Variants in NFRKB observed in about 807,000 individuals in gnomAD.
NFRKB encodes nuclear factor related to kappa-B-binding protein.
A neutral mutation model predicts 135.7 loss-of-function variants in NFRKB; 62 were observed. The observed-to-expected ratio is 0.46, with a 90% CI of 0.37 to 0.56. The LOEUF (loss-of-function observed/expected upper bound fraction) is 0.56, where lower values mean the gene tolerates loss of function less well. Among genes scored for constraint, NFRKB ranks in the 20% least tolerant of loss-of-function variants. The pLI is 0.00. For missense variants in NFRKB, 1,545 were observed against 1,662.0 expected (o/e 0.93, Z 1.22); for synonymous variants, 678 against 635.6 (o/e 1.07, Z -1.00).
At chr11:129,880,311 A>T (rs1948968366) in intron 13 of NFRKB, among the ~76,000 whole-genome samples, 1 of 152,186 alleles carries the variant, frequency 6.6e-6, no homozygotes, top group African/African-American at 2.4e-5. Context: ...CTGCAAATCT[A>T]ACAGGAGCCA....
chr11:129,872,713 T>C (rs1948572591), intron 23 of NFRKB, 171 bp downstream of exon 23: 2 of 606,256 alleles, frequency 3.3e-6, no homozygotes, highest in East Asian at 2.8e-5. Flanking sequence ...CTATCAAAGC[T>C]GCACTGCCTT....
chr11:129,886,698 T>C (rs897334797), intron 4 of NFRKB, among the ~76,000 whole-genome samples: 1 of 152,180 alleles, frequency 6.6e-6, no homozygotes, highest in South Asian at 2.1e-4. Flanking sequence ...AACTGACACA[T>C]GGCATGGGTC....
chr11:129,884,704 G>T, intron 7 of NFRKB, 41 bp downstream of exon 7: 1 of 1,608,614 alleles, frequency 6.2e-7, no homozygotes, highest in Non-Finnish European at 8.5e-7. Context: ...GGTCTCCACC[G>T]CAATGTCCCA....
Position 129,885,563 on chromosome 11 carries a change from C to A in NFRKB, c.512G>T (p.Arg171Leu). 6.2e-7 allele frequency: 1 copy of A among 1,613,768 alleles called. No individual in the cohort carries two copies. ...ARRSGPALPF[R>L]QKRPSPSRTP... is the part of the protein sequence containing the mutation. ...GCGGGATGGTGAAGGGCGTTTCTGC[C>A]GGAAGGGAAGGGCGGGGCCACTCCG... is the stretch of plus-strand genomic sequence containing the variant. Residue 171 changes from arginine to leucine, a missense_variant, in exon 6 of 27, where the codon CGG becomes CTG. Around this residue, in one of 3 missense-constraint regions of NFRKB, gnomAD observed 678 missense variants for 646.7 expected, o/e 1.05. Transcript: ENST00000682444.
chr11:129,867,175 C>T (rs1312001954), intron 24 of NFRKB, among the ~76,000 whole-genome samples: 1 of 152,174 alleles, frequency 6.6e-6, no homozygotes, highest in African/African-American at 2.4e-5. Flanking sequence ...TCTCCAGTTG[C>T]ACCTACCCAG....
At chr11:129,887,404 G>A (rs1949328797) in intron 4 of NFRKB, among the ~76,000 whole-genome samples, 2 of 152,188 alleles carry the variant, frequency 1.3e-5, no homozygotes, top group African/African-American at 4.8e-5. Context: ...AACCAAGTGA[G>A]CAAATGTGGC....
chr11:129,875,436 T>C lies in NFRKB; in HGVS notation c.1775A>G (p.Asn592Ser). 1 of 1,609,748 alleles carries C rather than the reference T, an allele frequency of 6.2e-7. No individual in the cohort carries two copies. The highest frequency in any genetic ancestry group is 8.5e-7 in the Non-Finnish European group (1 of 1,178,686). The change falls in exon 18 of 27, where the codon AAT becomes AGT. Residue 592 changes from asparagine to serine, a missense_variant. By Grantham distance (46) the Asn-to-Ser change is conservative. Coordinates refer to ENST00000682444, the MANE Select transcript of NFRKB (RefSeq NM_001143835.2). ...LVRDAAARLP[N>S]GEGTRAEICE... The stretch of plus-strand genomic sequence containing the variant: ...GATCTCTGCCCGTGTGCCTTCTCCA[T>C]TAGGCAGTCGAGCCGCAGCGTCCCG...
At chr11:129,888,459 C>T (rs762725602) in intron 4 of NFRKB, 135 bp downstream of exon 4, 2 of 919,126 alleles carry the variant, frequency 2.2e-6, no homozygotes, top group Non-Finnish European at 1.8e-6. Context: ...CAAAGTGTTA[C>T]ACAAAACCGC....
intron 9 of NFRKB, among the ~76,000 whole-genome samples, chr11:129,882,915 A>G (rs955502050): frequency 6.6e-6 from 1 of 152,050 alleles, no homozygotes; most frequent in Non-Finnish European, 1.5e-5. Flanking sequence ...TCCCAAGTAT[A>G]CAGCTTAATT....
intron 3 of NFRKB, among the ~76,000 whole-genome samples, chr11:129,889,227 G>C (rs1314836105): frequency 3.9e-5 from 6 of 152,246 alleles, no homozygotes; most frequent in African/African-American, 1.4e-4. Flanking sequence ...CTCCCAAAGT[G>C]CTGGGATTAC....
chr11:129,873,040 C>T lies in NFRKB; in HGVS notation c.2607G>A (p.Arg869=), dbSNP rs1374294927. The T allele has an allele frequency of 1.2e-6, 2 of 1,613,888 alleles. No homozygotes were observed. The highest frequency in any genetic ancestry group is 2.2e-5 in the East Asian group (1 of 44,900). ...KAQTTAATVQ[R]PGPGQTGLTV... ...TGAGCCCTGTCTGCCCGGGTCCAGG[C>T]CGCTGCACAGTGGCTGCCGTAGTCT... The change falls in exon 23 of 27, where the codon CGG becomes CGA. Residue 869 remains arginine, a synonymous_variant. Transcript: ENST00000682444.
Position 129,864,531 on chromosome 11 carries a change from G to A in NFRKB, c.*194C>T, listed in dbSNP as rs1473968455. On this transcript the variant is annotated 3_prime_UTR_variant, in exon 27 of 27. Coordinates refer to ENST00000682444, the MANE Select transcript of NFRKB (RefSeq NM_001143835.2). ...AGAGCAGACCTTGGAACCCTGGAGT[G>A]AACCTTTCTCAGGGTGCTCCACTAT... 5 of 642,848 alleles carry A rather than the reference G, an allele frequency of 7.8e-6. No homozygotes were observed. Among genetic ancestry groups the A allele is most frequent in the South Asian group, 2.0e-5 (1 of 49,980 alleles). The allele number at this position is 642,848 out of a possible 1,614,324, so 39.8% of individuals were successfully genotyped here.
rs777355344 is a variant in NFRKB, at chr11:129,895,262, C to T, written c.-102+234G>A. ...AGCAAATTCCCCTCCGGTGCCAGCC[C>T]GGCTGGCCCAAGGCCCGGGTCCAAT... On this transcript the variant is annotated intron_variant, in intron 1 of 26. Transcript: ENST00000682444. Among the ~76,000 whole-genome samples the T allele has an allele frequency of 3.3e-5, 5 of 152,190 alleles. 1 individual carries two copies. Among genetic ancestry groups the T allele is most frequent in the Admixed American group, 2.0e-4 (3 of 15,280 alleles).
intron 23 of NFRKB, 58 bp from the exon 24 acceptor site, chr11:129,870,319 T>C (rs1948441929): frequency 1.3e-6 from 2 of 1,539,966 alleles, no homozygotes; most frequent in Admixed American, 2.0e-5. Flanking sequence ...GGTTACAAAA[T>C]ACAACTAGAC....
Position 129,878,524 on chromosome 11 carries a change from T to C in NFRKB, c.1404A>G (p.Glu468=), listed in dbSNP as rs1948880351. The C allele has an allele frequency of 6.2e-7, 1 of 1,613,998 alleles. No individual in the cohort carries two copies. The highest frequency in any genetic ancestry group is 1.7e-5 in the Admixed American group (1 of 60,010). ...WKLLGQSQDN[E]KELAALFQLW... is the part of the protein sequence containing the mutation. ...GCTGGAAGAGGGCAGCTAATTCCTT[T>C]TCATTATCTTGGGATTGGCCTATTA... Residue 468 remains glutamate, a synonymous_variant, in exon 14 of 27, where the codon GAA becomes GAG. Coordinates refer to ENST00000682444, the MANE Select transcript of NFRKB (RefSeq NM_001143835.2).
chr11:129,880,686 CTAAG>C (rs1158033765), intron 13 of NFRKB, among the ~76,000 whole-genome samples: 2 of 152,148 alleles, frequency 1.3e-5, no homozygotes, highest in African/African-American at 4.8e-5. Context: ...GTCATTAAAT[CTAAG>C]TAAGTATTTC....
intron 17 of NFRKB, 55 bp downstream of exon 17, chr11:129,876,666 A>C: frequency 7.0e-7 from 1 of 1,436,548 alleles, no homozygotes; most frequent in South Asian, 1.4e-5. Context: ...AGTTGGTAAG[A>C]GAAAAGCTGC....
intron 23 of NFRKB, among the ~76,000 whole-genome samples, chr11:129,871,757 G>C (rs1948518877): frequency 6.6e-6 from 1 of 152,128 alleles, no homozygotes; most frequent in Non-Finnish European, 1.5e-5. Context: ...TTCCGTTCTT[G>C]TCCCCCATTG....
Position 129,865,071 on chromosome 11 carries a change from G to T in NFRKB, c.3669C>A (p.Leu1223=), listed in dbSNP as rs755777862. The change falls in exon 26 of 27, where the codon CTC becomes CTA. Residue 1223 remains leucine (L), a synonymous_variant. Coordinates refer to ENST00000682444, the MANE Select transcript of NFRKB (RefSeq NM_001143835.2). ...GCTTAGTGCCTGCTGGCATAGTTGT[G>T]AGGATGATGTTGCGGCCCAACCCAC... ...NLSGLGRNII[L]TTMPAGTKLI... 1 of 1,611,598 alleles carries T rather than the reference G, an allele frequency of 6.2e-7. No individual in the cohort carries two copies. Among genetic ancestry groups the T allele is most frequent in the African/African-American group, 1.3e-5 (1 of 74,872 alleles).
Sources: allele counts gnomAD v4.1 joint callset (sites outside exome capture counted in the v4.1 genomes callset), GRCh38; gene constraint gnomAD v4.1.1; regional missense constraint gnomAD v4.1.1; transcripts MANE v1.5; gene names NCBI Gene and HGNC (gene_info 2026-07-23, HGNC 2026-07-21).